The following MYO3B variants were observed in gnomAD, a reference collection of about 807,000 sequenced individuals.
The protein encoded by MYO3B is myosin-IIIb.
Under a neutral mutation model 174.6 loss-of-function variants are expected in MYO3B, and 156 were observed. The ratio of observed to expected loss-of-function variants is 0.89; its 90% CI spans 0.78 to 1.02. MYO3B has a LOEUF of 1.02. Among genes scored for constraint, MYO3B ranks in the 50% least tolerant of loss-of-function variants. The probability of loss-of-function intolerance (pLI) is 0.00; values close to 1 mark genes in which losing one functional copy is unlikely to be tolerated. For synonymous variants in MYO3B, 563 were observed against 569.1 expected (o/e 0.99, Z 0.15); for missense variants, 1,632 against 1,639.4 (o/e 1.00, Z 0.08).
At chr2:170,628,724 G>C (rs183494584) in intron 32 of MYO3B, among the ~76,000 whole-genome samples, 3 of 151,974 alleles carry the variant, frequency 2.0e-5, no homozygotes, top group African/African-American at 7.2e-5. Flanking sequence ...AAAACCTACA[G>C]CCACTGAAGG....
intron 1 of MYO3B, among the ~76,000 whole-genome samples, chr2:170,185,975 T>C (rs1038393456): frequency 2.0e-5 from 3 of 152,208 alleles, no homozygotes; most frequent in Non-Finnish European, 4.4e-5. Context: ...CCGATTTTTG[T>C]ATGTTGATTT....
rs1217160849 is a variant in MYO3B at position 170,652,925 on chromosome 2, A to T, written c.3888-58A>T. 3.7e-6 allele frequency: 6 copies of T among 1,601,298 alleles called. No individual in the cohort carries two copies. The African/African-American group carries it at 8.1e-5, about 21-fold the overall frequency. On this transcript the variant is annotated intron_variant, in intron 34 of 34. Coordinates refer to ENST00000408978, the MANE Select transcript of MYO3B (RefSeq NM_138995.5). ...TCACATGACTTTAGCTGCCCCAGTG[A>T]TGATTGTAACATTTGTTTTATTTTT...
intron 8 of MYO3B, among the ~76,000 whole-genome samples, chr2:170,359,139 G>C (rs1025344506): frequency 6.6e-6 from 1 of 152,174 alleles, no homozygotes; most frequent in African/African-American, 2.4e-5. Context: ...AGGGAACACA[G>C]AATCGGCAAC....
At chr2:170,339,663 C>T (rs59246247) in intron 8 of MYO3B, among the ~76,000 whole-genome samples, 8,569 of 152,234 alleles carry the variant, frequency 0.056, 424 homozygotes, top group African/African-American at 0.13. Context: ...TTTTTTAAAA[C>T]ATCTAAAAGT....
At chr2:170,363,197 G>C (rs571523994) in intron 8 of MYO3B, among the ~76,000 whole-genome samples, 2 of 152,106 alleles carry the variant, frequency 1.3e-5, no homozygotes, top group South Asian at 4.1e-4. Context: ...AAGTATAAAA[G>C]ACAGAATATT....
At chr2:170,568,057 G>A (rs980553231) in intron 32 of MYO3B, among the ~76,000 whole-genome samples, 13 of 152,272 alleles carry the variant, frequency 8.5e-5, no homozygotes, top group African/African-American at 3.1e-4. Flanking sequence ...AGGCAGTACT[G>A]GGCAACTGGA....
chr2:170,630,690 CGAAGCTTCAGAG>C (rs757384492), intron 32 of MYO3B, among the ~76,000 whole-genome samples: 2 of 152,182 alleles, frequency 1.3e-5, no homozygotes, highest in Non-Finnish European at 2.9e-5. Flanking sequence ...CCCTCTGAGA[CGAAGCTTCAGAG>C]GAAGGATCAG....
At chr2:170,597,747 T>C (rs1694245513) in intron 32 of MYO3B, among the ~76,000 whole-genome samples, 1 of 152,242 alleles carries the variant, frequency 6.6e-6, no homozygotes, top group African/African-American at 2.4e-5. Context: ...GACAAGTAGA[T>C]ATAATAATAT....
At chr2:170,606,976 C>T (rs1045713317) in intron 32 of MYO3B, among the ~76,000 whole-genome samples, 6 of 152,056 alleles carry the variant, frequency 3.9e-5, no homozygotes, top group African/African-American at 7.2e-5. Context: ...GCCCAGATAG[C>T]GCCATTGCAC....
intron 27 of MYO3B, among the ~76,000 whole-genome samples, chr2:170,501,211 G>A (rs1210155007): frequency 6.6e-6 from 1 of 152,014 alleles, no homozygotes; most frequent in African/African-American, 2.4e-5. Context: ...TTTCTTCCCT[G>A]CCTTTTCCCT....
chr2:170,511,226 A>ATT (rs61583068), intron 28 of MYO3B, among the ~76,000 whole-genome samples: 208 of 144,324 alleles, frequency 1.4e-3, no homozygotes, highest in African/African-American at 4.9e-3. Context: ...CGCCCAGCTA[A>ATT]TTTTTTTTTT....
At chr2:170,415,530 T>A (rs1339014113) in intron 22 of MYO3B, among the ~76,000 whole-genome samples, 1 of 152,236 alleles carries the variant, frequency 6.6e-6, no homozygotes, top group African/African-American at 2.4e-5. Context: ...TACTGTGTCC[T>A]CAAAGCCTTA....
intron 7 of MYO3B, among the ~76,000 whole-genome samples, chr2:170,328,186 AC>A (rs1388745354): frequency 1.3e-5 from 2 of 151,998 alleles, no homozygotes; most frequent in African/African-American, 4.8e-5. Context: ...ACAGGCATGA[AC>A]CACCACACTG....
chr2:170,467,295 T>C (rs1386517959), intron 25 of MYO3B, among the ~76,000 whole-genome samples: 1 of 152,200 alleles, frequency 6.6e-6, no homozygotes, highest in Non-Finnish European at 1.5e-5. Context: ...CTGGTCAATG[T>C]AGAACCAGGA....
chr2:170,349,797 C>CAAAAAAAAAAAA (rs528799752), intron 8 of MYO3B: 7 of 94,378 alleles, frequency 7.4e-5, no homozygotes, highest in Non-Finnish European at 1.4e-4. Flanking sequence ...GACCCTGTCT[C>CAAAAAAAAAAAA]AAAAAAAAAA....
chr2:170,636,211 C>T (rs547668805), intron 32 of MYO3B, among the ~76,000 whole-genome samples: 1 of 152,102 alleles, frequency 6.6e-6, no homozygotes, highest in Non-Finnish European at 1.5e-5. Flanking sequence ...TGGTCTTGGG[C>T]TGGTCCCAAC....
chr2:170,280,120 A>G (rs1360363324), intron 7 of MYO3B, among the ~76,000 whole-genome samples: 1 of 152,196 alleles, frequency 6.6e-6, no homozygotes, highest in Non-Finnish European at 1.5e-5. Flanking sequence ...CAACCTTGCC[A>G]GCATCTGTTA....
At chr2:170,635,365 G>GA (rs1269407736) in intron 32 of MYO3B, among the ~76,000 whole-genome samples, 1 of 151,946 alleles carries the variant, frequency 6.6e-6, no homozygotes, top group African/African-American at 2.4e-5. Context: ...CTCAAGGACA[G>GA]AAAACCAAAC....
chr2:170,525,041 C>G (rs1041665509), intron 30 of MYO3B, among the ~76,000 whole-genome samples: 4 of 152,058 alleles, frequency 2.6e-5, no homozygotes, highest in Non-Finnish European at 4.4e-5. Flanking sequence ...GTCTCTATAC[C>G]TGTCATTGTT....
Sources: allele counts gnomAD v4.1 joint callset (sites outside exome capture counted in the v4.1 genomes callset), GRCh38; gene constraint gnomAD v4.1.1; transcripts MANE v1.5; gene names NCBI Gene and HGNC (gene_info 2026-07-23, HGNC 2026-07-21).